NCAM2: variants seen among roughly 807,000 people sequenced by gnomAD.
NCAM2 encodes the protein neural cell adhesion molecule 2.
NCAM2 carries 30 observed loss-of-function variants against 98.1 expected under a neutral mutation model. The ratio of observed to expected loss-of-function variants is 0.31; its 90% CI spans 0.23 to 0.41. The LOEUF is 0.41. Ranked by LOEUF, NCAM2 falls within the 10% of genes least tolerant of loss-of-function variation. The pLI, the probability that NCAM2 is intolerant of heterozygous loss-of-function variation, is 1.00. For missense variants in NCAM2, 867 were observed against 1,005.8 expected, an observed-to-expected ratio of 0.86 and a Z score of 1.87; for synonymous variants, 368 against 342.4, an observed-to-expected ratio of 1.07 and a Z score of -0.83.
intron 12 of NCAM2, among the ~76,000 whole-genome samples, chr21:21,440,640 C>T (rs1272800251): frequency 6.0e-5 from 9 of 150,864 alleles, no homozygotes; most frequent in Admixed American, 5.3e-4. Context: ...GAGATTGCAG[C>T]ACGGCACTCC....
At chr21:21,209,646 C>T (rs1408711217) in intron 1 of NCAM2, among the ~76,000 whole-genome samples, 1 of 152,092 alleles carries the variant, frequency 6.6e-6, no homozygotes, top group Admixed American at 6.5e-5. Context: ...CAGAGGTTGT[C>T]TGTTATAAAA....
intron 1 of NCAM2, among the ~76,000 whole-genome samples, chr21:21,101,703 G>GACCTTTTTTTTC (rs1230524553): frequency 1.3e-5 from 2 of 152,196 alleles, no homozygotes; most frequent in East Asian, 3.9e-4. Context: ...TCACAGTCAT[G>GACCTTTTTTTTC]TGTTCTTTGC....
chr21:21,334,525 G>A (rs2074805185), intron 6 of NCAM2, among the ~76,000 whole-genome samples: 1 of 151,942 alleles, frequency 6.6e-6, no homozygotes, highest in Non-Finnish European at 1.5e-5. Context: ...GTATGGACAA[G>A]CAAATGTCTC....
chr21:21,155,454 C>T (rs530895062), intron 1 of NCAM2, among the ~76,000 whole-genome samples: 2 of 151,654 alleles, frequency 1.3e-5, no homozygotes, highest in South Asian at 4.2e-4. Flanking sequence ...TTTATTTAAA[C>T]TTAATACTTG....
chr21:21,462,465 C>G (rs1983108447), intron 12 of NCAM2, among the ~76,000 whole-genome samples: 1 of 151,938 alleles, frequency 6.6e-6, no homozygotes, highest in South Asian at 2.1e-4. Flanking sequence ...TGACAGCCAA[C>G]AGGAAGTAAT....
At chr21:21,473,394 T>A (rs1047565939) in intron 14 of NCAM2, among the ~76,000 whole-genome samples, 7 of 99,856 alleles carry the variant, frequency 7.0e-5, no homozygotes, top group Non-Finnish European at 1.4e-4. Context: ...ATATATATAT[T>A]ATATATAAAA....
chr21:21,117,630 A>C (rs9984362), intron 1 of NCAM2, among the ~76,000 whole-genome samples: 1 of 152,042 alleles, frequency 6.6e-6, no homozygotes, highest in Non-Finnish European at 1.5e-5. Context: ...TGCTAAGTAA[A>C]ATAAGCCAAT....
At chr21:21,272,332 A>G (rs1003363248) in intron 1 of NCAM2, among the ~76,000 whole-genome samples, 8 of 152,202 alleles carry the variant, frequency 5.3e-5, no homozygotes, top group African/African-American at 1.7e-4. Context: ...TGGACTGGTA[A>G]CCACTTTCTG....
At chr21:21,327,902 T>C (rs2074562165) in intron 6 of NCAM2, among the ~76,000 whole-genome samples, 1 of 152,204 alleles carries the variant, frequency 6.6e-6, no homozygotes, top group Admixed American at 6.5e-5. Flanking sequence ...CTTAGTGACA[T>C]GTAAATCCAA....
intron 1 of NCAM2, among the ~76,000 whole-genome samples, chr21:21,265,086 ATAT>A (rs2072147042): frequency 1.0e-5 from 1 of 98,222 alleles, no homozygotes; most frequent in Non-Finnish European, 2.0e-5. Flanking sequence ...ATACACACAT[ATAT>A]TATATATACA....
At chr21:21,439,846 T>G (rs886536021) in intron 12 of NCAM2, among the ~76,000 whole-genome samples, 3 of 152,352 alleles carry the variant, frequency 2.0e-5, no homozygotes, top group Middle Eastern at 3.4e-3. Flanking sequence ...CAGCTGGGGA[T>G]GTACAAAATG....
At chr21:21,018,338 G>C (rs2064360129) in intron 1 of NCAM2, among the ~76,000 whole-genome samples, 1 of 152,160 alleles carries the variant, frequency 6.6e-6, no homozygotes, top group African/African-American at 2.4e-5. Context: ...TTTGGTTCCA[G>C]CTCAGGGACT....
intron 4 of NCAM2, among the ~76,000 whole-genome samples, chr21:21,288,033 A>G (rs2073163111): frequency 6.6e-6 from 1 of 151,868 alleles, no homozygotes; most frequent in Non-Finnish European, 1.5e-5. Flanking sequence ...CCGATGCCAA[A>G]GTCTCTTATA....
intron 9 of NCAM2, among the ~76,000 whole-genome samples, chr21:21,374,322 A>G (rs1602144171): frequency 1.3e-5 from 2 of 151,982 alleles, no homozygotes; most frequent in Admixed American, 6.6e-5. Flanking sequence ...ATTGGTCGAT[A>G]TCACTTTAGA....
In NCAM2 at chr21:21,543,202, T is replaced by A. The variant is rs1356630115; in HGVS notation, c.*5245T>A. On this transcript the variant is annotated 3_prime_UTR_variant, in exon 18 of 18. Coordinates refer to ENST00000400546, the MANE Select transcript of NCAM2 (RefSeq NM_004540.5). ...AAATGCTGTATATATATGTCTAAAC[T>A]GTAAAAATTATACTGCAAATGTTGA... 6.6e-6 allele frequency: 1 copy of A among 151,898 alleles called. No homozygotes were observed. Among genetic ancestry groups the A allele is most frequent in the African/African-American group, 2.4e-5 (1 of 41,420 alleles). The allele number at this position is 151,898 out of a possible 1,614,324, so 9.4% of individuals were successfully genotyped here.
At chr21:21,191,559 T>G (rs2068825047) in intron 1 of NCAM2, among the ~76,000 whole-genome samples, 1 of 152,246 alleles carries the variant, frequency 6.6e-6, no homozygotes, top group South Asian at 2.1e-4. Flanking sequence ...CTGTGTGATA[T>G]TTAAAGCAGT....
intron 1 of NCAM2, among the ~76,000 whole-genome samples, chr21:21,247,790 A>C (rs1043338157): frequency 6.6e-6 from 1 of 152,202 alleles, no homozygotes; most frequent in Non-Finnish European, 1.5e-5. Flanking sequence ...GGAATCAATT[A>C]TCATAGTAGG....
At chr21:21,028,721 A>C (rs1256025927) in intron 1 of NCAM2, among the ~76,000 whole-genome samples, 9 of 152,242 alleles carry the variant, frequency 5.9e-5, no homozygotes, top group African/African-American at 2.2e-4. Context: ...TTTGTGCAAT[A>C]ACATAGATAT....
chr21:21,265,210 A>ATATAT lies in NCAM2; in HGVS notation c.56-15364_56-15363insTTATA, dbSNP rs1475357987. 1.4e-3 allele frequency among the ~76,000 whole-genome samples: 172 copies of ATATAT among 124,450 alleles called. 1 individual carries two copies. In the East Asian group the frequency reaches 0.034, roughly 25 times the overall value. The allele number at this position is 124,450 out of a possible 152,430, so 81.6% of individuals were successfully genotyped here. A position where few individuals can be genotyped will look rare whatever the true frequency, so the allele number is the denominator to read the frequency against. On this transcript the variant is annotated intron_variant, in intron 1 of 17. Transcript: ENST00000400546. ...AATATATGTGTGTATGTATGTGTGT[A>ATATAT]TATAGTATATTATATTATATATATG...
Sources: allele counts gnomAD v4.1 joint callset (sites outside exome capture counted in the v4.1 genomes callset), GRCh38; gene constraint gnomAD v4.1.1; transcripts MANE v1.5; gene names NCBI Gene and HGNC (gene_info 2026-07-23, HGNC 2026-07-21).